INVS: variants seen among roughly 807,000 people sequenced by gnomAD.
INVS encodes the protein inversion of embryo turning homolog.
INVS carries 86 observed loss-of-function variants against 108.8 expected under a neutral mutation model. The ratio of observed to expected loss-of-function variants is 0.79; its 90% CI spans 0.66 to 0.95. The LOEUF is 0.95. INVS is among the 40% of genes least tolerant of loss of function. The probability of loss-of-function intolerance (pLI) is 0.00; values close to 1 mark genes in which losing one functional copy is unlikely to be tolerated. For missense variants in INVS, 1,169 were observed against 1,297.4 expected (o/e 0.90, Z 1.52); for synonymous variants, 455 against 473.5 (o/e 0.96, Z 0.51).
At chr9:100,251,293 C>T (rs1346348629) in intron 8 of INVS, among the ~76,000 whole-genome samples, 1 of 152,186 alleles carries the variant, frequency 6.6e-6, no homozygotes, top group African/African-American at 2.4e-5. Flanking sequence ...CAGGTTTGCT[C>T]TGTGGATCAC....
intron 3 of INVS, among the ~76,000 whole-genome samples, chr9:100,140,783 T>C (rs533036479): frequency 6.6e-6 from 1 of 151,684 alleles, no homozygotes; most frequent in Admixed American, 6.6e-5. Context: ...TGGTAAGGGG[T>C]GATATTGTGG....
At position 100,143,291 on chromosome 9, in the gene INVS, C is replaced by T. The variant is rs543742300; in HGVS notation, c.273+16742C>T. Among the ~76,000 whole-genome samples, 18 of 152,188 alleles carry T rather than the reference C, an allele frequency of 1.2e-4. No homozygotes were observed. The East Asian group carries it at 3.5e-3, about 29-fold the overall frequency. ...ACAATTTGGTTGATAAGGCGCAGAT[C>T]CTGAACTAACCTGTAAGCCTTGTCT... On this transcript the variant is annotated intron_variant, in intron 3 of 16. Transcript: ENST00000262457.
At chr9:100,173,669 C>T (rs748403740) in intron 3 of INVS, among the ~76,000 whole-genome samples, 4 of 152,108 alleles carry the variant, frequency 2.6e-5, no homozygotes, top group Non-Finnish European at 4.4e-5. Flanking sequence ...GCAGAGGTTG[C>T]GGTGAGCCAA....
intron 3 of INVS, among the ~76,000 whole-genome samples, chr9:100,168,537 CGTT>C (rs1829437883): frequency 6.6e-6 from 1 of 152,066 alleles, no homozygotes; most frequent in Non-Finnish European, 1.5e-5. Flanking sequence ...CAATAGCTGT[CGTT>C]GTCATGAGGA....
intron 11 of INVS, among the ~76,000 whole-genome samples, chr9:100,267,955 A>AT (rs1284503372): frequency 1.3e-5 from 2 of 152,216 alleles, no homozygotes; most frequent in African/African-American, 4.8e-5. Flanking sequence ...GTATAATGAC[A>AT]TTGTGGGTAT....
chr9:100,156,344 T>G (rs1828982123), intron 3 of INVS, among the ~76,000 whole-genome samples: 1 of 146,792 alleles, frequency 6.8e-6, no homozygotes, highest in African/African-American at 2.6e-5. Context: ...CACTGCTACC[T>G]CTGTCTCCTG....
chr9:100,293,070 T>C, intron 14 of INVS, 27 bp downstream of exon 14: 1 of 1,566,578 alleles, frequency 6.4e-7, no homozygotes, highest in Non-Finnish European at 8.8e-7. Context: ...CTGCCGCATC[T>C]GTGGTTCTTT....
chr9:100,192,234 C>G (rs1830243246), intron 3 of INVS, among the ~76,000 whole-genome samples: 1 of 143,204 alleles, frequency 7.0e-6, no homozygotes, highest in Non-Finnish European at 1.5e-5. Context: ...AGTCCACCAT[C>G]TTGGGGAAAA....
chr9:100,157,124 C>T (rs763479517), intron 3 of INVS, among the ~76,000 whole-genome samples: 12 of 150,420 alleles, frequency 8.0e-5, no homozygotes, highest in Non-Finnish European at 1.5e-4. Context: ...ATACTGTTAA[C>T]TGAAAAAAAA....
In INVS at chr9:100,100,973, TTA is replaced by T. The variant is rs1263547246; in HGVS notation, c.-25+1566_-25+1567del. The stretch of plus-strand genomic sequence containing the variant: ...ATATATATTATATATATAATATATA[TTA>T]TATATATAATATATATGTATATATA... On this transcript the variant is annotated intron_variant, in intron 1 of 16. Transcript: ENST00000262457. Among the ~76,000 whole-genome samples the T allele has an allele frequency of 8.3e-4, 52 of 62,292 alleles. 1 individual carries two copies. Among genetic ancestry groups the T allele is most frequent in the South Asian group, 3.2e-3 (9 of 2,800 alleles). The allele number at this position is 62,292 out of a possible 152,430, so 40.9% of individuals were successfully genotyped here. A position where few individuals can be genotyped will look rare whatever the true frequency, so the allele number is the denominator to read the frequency against.
chr9:100,265,668 A>G (rs564955415), intron 11 of INVS, among the ~76,000 whole-genome samples: 17 of 152,342 alleles, frequency 1.1e-4, no homozygotes, highest in African/African-American at 4.1e-4. Context: ...GCATGAAAAC[A>G]TAAGGAGAAG....
intron 2 of INVS, among the ~76,000 whole-genome samples, chr9:100,110,944 CTG>C (rs1296907325): frequency 6.6e-6 from 1 of 152,196 alleles, no homozygotes; most frequent in African/African-American, 2.4e-5. Flanking sequence ...TGTTAGGACA[CTG>C]AGACTCAGAA....
chr9:100,257,776 T>C (rs1229868532), intron 10 of INVS, among the ~76,000 whole-genome samples: 1 of 152,214 alleles, frequency 6.6e-6, no homozygotes, highest in Non-Finnish European at 1.5e-5. Flanking sequence ...CCAAGAGATC[T>C]GCTGTTAGTC....
At chr9:100,250,160 A>G (rs1304016236) in intron 8 of INVS, among the ~76,000 whole-genome samples, 1 of 152,154 alleles carries the variant, frequency 6.6e-6, no homozygotes, top group Non-Finnish European at 1.5e-5. Flanking sequence ...CTCTTTGAAA[A>G]GTGCTGTAAG....
chr9:100,194,114 T>G (rs905917974), intron 3 of INVS, among the ~76,000 whole-genome samples: 1 of 152,254 alleles, frequency 6.6e-6, no homozygotes. Flanking sequence ...ATATAGCAGG[T>G]GTACGTTTAA....
intron 12 of INVS, among the ~76,000 whole-genome samples, chr9:100,282,200 T>G (rs367772458): frequency 1.4e-4 from 22 of 152,304 alleles, no homozygotes; most frequent in African/African-American, 5.3e-4. Context: ...TTCCACCTTC[T>G]TCTGAAAAGC....
rs56674173 is a variant in INVS, at chr9:100,115,300, T to TTA, written c.106+10685_106+10686dup. 8.1e-4 allele frequency among the ~76,000 whole-genome samples: 122 copies of TTA among 150,302 alleles called. 1 individual carries two copies. In the South Asian group the frequency reaches 0.013, roughly 16 times the overall value. On this transcript the variant is annotated intron_variant, in intron 2 of 16. Coordinates refer to ENST00000262457, the MANE Select transcript of INVS (RefSeq NM_014425.5). The stretch of plus-strand genomic sequence containing the variant: ...TCTCTTTTTTTATTTTATTTTTATT[T>TTA]TATATATATATATTTTTATTATACT...
chr9:100,238,810 G>A (rs1831772993), intron 5 of INVS, among the ~76,000 whole-genome samples: 1 of 151,948 alleles, frequency 6.6e-6, no homozygotes, highest in Non-Finnish European at 1.5e-5. Context: ...AAATCTGCCT[G>A]GTAATTTTGA....
At chr9:100,277,192 G>A (rs1181770168) in intron 12 of INVS, among the ~76,000 whole-genome samples, 2 of 152,312 alleles carry the variant, frequency 1.3e-5, no homozygotes, top group Non-Finnish European at 2.9e-5. Context: ...CTTTGGTCTT[G>A]AAGCTACCCC....
Sources: gnomAD v4.1 joint callset for allele counts (sites outside exome capture counted in the v4.1 genomes callset) on GRCh38, gnomAD v4.1.1 for gene constraint, MANE v1.5 for transcripts, NCBI Gene and HGNC (gene_info 2026-07-23, HGNC 2026-07-21) for gene names.